ANKRD24: variants seen among roughly 807,000 people sequenced by gnomAD.
ANKRD24 encodes ankyrin repeat domain-containing protein 24.
In ANKRD24, 109 loss-of-function variants were observed where a neutral mutation model predicts 127.8. That is an observed-to-expected ratio of 0.85 (90% CI 0.73 to 1.00). The LOEUF is 1.00. Ranked by LOEUF, ANKRD24 falls within the 50% of genes least tolerant of loss-of-function variation. The pLI is 0.00. For missense variants in ANKRD24, 1,648 were observed against 1,570.2 expected, an observed-to-expected ratio of 1.05 and a Z score of -0.84; for synonymous variants, 743 against 671.1, an observed-to-expected ratio of 1.11 and a Z score of -1.66.
At chr19:4,219,443 G>C in intron 18 of ANKRD24, 148 bp from the exon 19 acceptor site, 1 of 796,528 alleles carries the variant, frequency 1.3e-6, no homozygotes, top group South Asian at 2.5e-5. Context: ...CTCCAGCCAG[G>C]AGTGCAGGTC....
At chr19:4,205,578 T>C (rs960553455) in intron 7 of ANKRD24, among the ~76,000 whole-genome samples, 2 of 152,288 alleles carry the variant, frequency 1.3e-5, no homozygotes, top group South Asian at 2.1e-4. Context: ...CCAGGCACAG[T>C]GGTGCACGCC....
In ANKRD24 at chr19:4,210,087, G is replaced by A. The variant is rs200077758; in HGVS notation, c.900G>A (p.Gly300=). Residue 300 remains glycine, a synonymous_variant, in exon 12 of 22, where the codon GGG becomes GGA. Transcript: ENST00000318934. The stretch of plus-strand genomic sequence containing the variant: ...CTATGTCCAGCCATGGAAAGCAGGG[G>A]GCCCCCAAGAAGCGGAAGGCGCCTC... ...QNSMSSHGKQ[G]APKKRKAPPP... is the part of the protein sequence containing the mutation. The A allele has an allele frequency of 2.0e-4, 324 of 1,612,556 alleles. 1 individual carries two copies. Among genetic ancestry groups the A allele is most frequent in the Admixed American group, 8.4e-5 (5 of 59,836 alleles).
intron 18 of ANKRD24, among the ~76,000 whole-genome samples, chr19:4,218,435 A>G (rs920686875): frequency 1.3e-5 from 2 of 150,320 alleles, no homozygotes; most frequent in Admixed American, 6.6e-5. Context: ...GAGTAGCTGG[A>G]ATTACAGGCA....
In ANKRD24 at chr19:4,195,349, C is replaced by T. The variant is rs1011195924; in HGVS notation, c.37-4334C>T. On this transcript the variant is annotated intron_variant, in intron 2 of 21. Coordinates refer to ENST00000318934, the MANE Select transcript of ANKRD24 (RefSeq NM_001393985.1). The surrounding 1 kb of genome is among the most constrained non-coding windows in gnomAD (Gnocchi z 4.2). ...TCAGCCTCCCAAAGTGCTGGGATGA[C>T]AGGCGTGAGCCACCATGCCTGGCCA... 6.6e-6 allele frequency among the ~76,000 whole-genome samples: 1 copy of T among 151,572 alleles called. No homozygotes were observed. Among genetic ancestry groups the T allele is most frequent in the Non-Finnish European group, 1.5e-5 (1 of 67,908 alleles).
At chr19:4,216,141 G>A (rs913705842) in intron 16 of ANKRD24, 91 bp downstream of exon 16, 15 of 1,446,448 alleles carry the variant, frequency 1.0e-5, no homozygotes, top group Non-Finnish European at 1.3e-5. Flanking sequence ...GTTTGAAGCT[G>A]GGAGGGAGGT....
rs182967840 is a variant in ANKRD24 at position 4,223,510 on chromosome 19, T to G, written c.3298-617T>G. ...CTGCCTCCCGGCTCCCGGGTTCAAGTGATTCTCCTGCCTCAGCTTCCTGAC... is the reference window on the plus strand; with the variant it reads ...CTGCCTCCCGGCTCCCGGGTTCAAGGGATTCTCCTGCCTCAGCTTCCTGAC... On this transcript the variant is annotated intron_variant, in intron 20 of 21. Coordinates refer to ENST00000318934, the MANE Select transcript of ANKRD24 (RefSeq NM_001393985.1). Among the ~76,000 whole-genome samples, 413 of 148,582 alleles carry G rather than the reference T, an allele frequency of 2.8e-3. 2 individuals are homozygous for G. Among genetic ancestry groups the G allele is most frequent in the Non-Finnish European group, 2.5e-3 (166 of 67,440 alleles).
In ANKRD24 at chr19:4,198,246, T is replaced by TCAGCCCA. The variant is rs1968872260; in HGVS notation, c.37-1431_37-1430insACAGCCC. On this transcript the variant is annotated intron_variant, in intron 2 of 21. Coordinates refer to ENST00000318934, the MANE Select transcript of ANKRD24 (RefSeq NM_001393985.1). This position sits in a 1 kb window ranked among gnomAD's most constrained non-coding sequence, Gnocchi z 6.1. ...AGGGGCCGGGGCGGCGCCCCTTCCC[T>TCAGCCCA]CAGCCCCCAGCCCCCAGCCCCCTAC... The TCAGCCCA allele has an allele frequency of 4.0e-6, 2 of 494,510 alleles. No homozygotes were observed. The highest frequency in any genetic ancestry group is 2.0e-5 in the African/African-American group (1 of 49,000). The allele number at this position is 494,510 out of a possible 1,614,324, so 30.6% of individuals were successfully genotyped here. A position where few individuals can be genotyped will look rare whatever the true frequency, so the allele number is the denominator to read the frequency against.
chr19:4,214,171 TC>T (rs954971466), intron 15 of ANKRD24, among the ~76,000 whole-genome samples: 1 of 145,678 alleles, frequency 6.9e-6, no homozygotes. Flanking sequence ...AACAAATATT[TC>T]TTTTTTTTTT....
rs377136486 is a variant in ANKRD24, at chr19:4,217,069, G to A, written c.1909G>A (p.Ala637Thr). The A allele has an allele frequency of 1.2e-5, 20 of 1,613,732 alleles. No individual in the cohort carries two copies. Among genetic ancestry groups the A allele is most frequent in the Middle Eastern group, 1.6e-4 (1 of 6,082 alleles). The change falls in exon 18 of 22, where the codon GCC becomes ACC. Residue 637 changes from alanine to threonine, a missense_variant. Physicochemically the swap from Ala to Thr is moderately conservative, Grantham distance 58. Coordinates refer to ENST00000318934, the MANE Select transcript of ANKRD24 (RefSeq NM_001393985.1). ...AGACACAGAGACCACGGGAGTGGAG[G>A]CCATGGGGGTGGAGGCCACAAAAAC... ...ATDTETTGVE[A>T]MGVEATKTKA...
chr19:4,224,075 T>C, intron 20 of ANKRD24, 52 bp from the exon 21 acceptor site: 1 of 1,520,464 alleles, frequency 6.6e-7, no homozygotes, highest in Non-Finnish European at 9.0e-7. Context: ...TGTGTTTTGC[T>C]CAGTGGGGAG....
At position 4,215,966 on chromosome 19, in the gene ANKRD24, C is replaced by G; in HGVS notation, c.1198-12C>G. 2 of 1,576,202 alleles carry G rather than the reference C, an allele frequency of 1.3e-6. No homozygotes were observed. The highest frequency in any genetic ancestry group is 1.7e-6 in the Non-Finnish European group (2 of 1,161,988). ...GCAGAACCCCGAGCTGGACTCTGCTCCCTCCCCCCAGAACGAGCGGGAGAA... is the reference window on the plus strand; with the variant it reads ...GCAGAACCCCGAGCTGGACTCTGCTGCCTCCCCCCAGAACGAGCGGGAGAA... On this transcript the variant is annotated splice_polypyrimidine_tract_variant and intron_variant, in intron 15 of 21. Transcript: ENST00000318934.
Position 4,224,110 on chromosome 19 carries a change from C to T in ANKRD24, c.3298-17C>T, listed in dbSNP as rs768363671. Reference sequence around the variant, plus strand: ...GGTGCTCCTGCTCTTCTGAGCGCCCCTTCCTCATGCCCACAGGAAGCTGCC... The same window carrying T: ...GGTGCTCCTGCTCTTCTGAGCGCCCTTTCCTCATGCCCACAGGAAGCTGCC... On this transcript the variant is annotated splice_polypyrimidine_tract_variant and intron_variant, in intron 20 of 21. Transcript: ENST00000318934. 6.2e-7 allele frequency: 1 copy of T among 1,610,910 alleles called. No homozygotes were observed. Among genetic ancestry groups the T allele is most frequent in the Non-Finnish European group, 8.5e-7 (1 of 1,179,104 alleles).
At chr19:4,218,748 CCTTT>C (rs200340448) in intron 18 of ANKRD24, among the ~76,000 whole-genome samples, 4,403 of 142,724 alleles carry the variant, frequency 0.031, 138 homozygotes, top group African/African-American at 0.064. Context: ...CCCTTCCCTT[CCTTT>C]CTTTTTTTTT....
In ANKRD24 at chr19:4,195,620, G is replaced by A. The variant is rs188465441; in HGVS notation, c.37-4063G>A. 2.4e-4 allele frequency among the ~76,000 whole-genome samples: 36 copies of A among 152,234 alleles called. No individual in the cohort carries two copies. The highest frequency in any genetic ancestry group is 9.8e-4 in the Admixed American group (15 of 15,280). On this transcript the variant is annotated intron_variant, in intron 2 of 21. Transcript: ENST00000318934. The surrounding 1 kb of genome is among the most constrained non-coding windows in gnomAD (Gnocchi z 4.2). The stretch of plus-strand genomic sequence containing the variant: ...TTGTCCAAACATGTCTAAGAGGGCC[G>A]GGCGCAGTGGCTCACGCCTGTAATC...
At chr19:4,189,098 C>T (rs1269209350) in intron 2 of ANKRD24, among the ~76,000 whole-genome samples, 3 of 152,198 alleles carry the variant, frequency 2.0e-5, no homozygotes, top group Non-Finnish European at 1.5e-5. Flanking sequence ...GCGTGAGCCA[C>T]TGCACTCCGC....
intron 1 of ANKRD24, chr19:4,183,461 C>A: frequency 1.8e-6 from 1 of 555,488 alleles, no homozygotes; most frequent in Non-Finnish European, 2.3e-6. Flanking sequence ...TGCGGGTGGA[C>A]ACAAACATGT....
At chr19:4,193,868 G>GAAGGAAGGAAGT (rs1568315719) in intron 2 of ANKRD24, among the ~76,000 whole-genome samples, 17 of 144,348 alleles carry the variant, frequency 1.2e-4, no homozygotes, top group African/African-American at 4.4e-4. Context: ...AGGAAGGAAG[G>GAAGGAAGGAAGT]AAGGAAGGAA....
In ANKRD24 at chr19:4,199,853, C is replaced by T. The variant is rs982948329; in HGVS notation, c.124-22C>T. 133 of 1,555,568 alleles carry T rather than the reference C, an allele frequency of 8.5e-5. No homozygotes were observed. The highest frequency in any genetic ancestry group is 3.6e-4 in the Admixed American group (19 of 52,058). Reference sequence around the variant, plus strand: ...GGACAGCAGCCAACACTGCCCCACGCACTTCTGGGCGTGCCCTGCAGAGTC... The same window carrying T: ...GGACAGCAGCCAACACTGCCCCACGTACTTCTGGGCGTGCCCTGCAGAGTC... On this transcript the variant is annotated intron_variant, in intron 3 of 21. Coordinates refer to ENST00000318934, the MANE Select transcript of ANKRD24 (RefSeq NM_001393985.1). The surrounding 1 kb of genome is among the most constrained non-coding windows in gnomAD (Gnocchi z 5.2).
Position 4,216,906 on chromosome 19 carries a change from G to A in ANKRD24, c.1746G>A (p.Thr582=), listed in dbSNP as rs745460145. ...CCAGGACTATGGAAGCTGAGGCCAC[G>A]GGAGCCGAGGCCACGGGAGCTGAGG... The part of the protein sequence containing the change: ...MEARTMEAEA[T]GAEATGAEAT... The change falls in exon 18 of 22, where the codon ACG becomes ACA. Residue 582 remains threonine (T), a synonymous_variant. Coordinates refer to ENST00000318934, the MANE Select transcript of ANKRD24 (RefSeq NM_001393985.1). 2.4e-5 allele frequency: 38 copies of A among 1,610,104 alleles called. No homozygotes were observed. Among genetic ancestry groups the A allele is most frequent in the Admixed American group, 1.0e-4 (6 of 59,344 alleles).
Sources: gnomAD v4.1 joint callset for allele counts (sites outside exome capture counted in the v4.1 genomes callset) on GRCh38, gnomAD v4.1.1 for gene constraint, Gnocchi (gnomAD v3.1) non-coding constraint, MANE v1.5 for transcripts, NCBI Gene and HGNC (gene_info 2026-07-23, HGNC 2026-07-21) for gene names.